RAG1: variants seen among roughly 807,000 people sequenced by gnomAD.
The protein encoded by RAG1 is V(D)J recombination-activating protein 1.
Under a neutral mutation model 62.7 loss-of-function variants are expected in RAG1, and 35 were observed. The ratio of observed to expected loss-of-function variants is 0.56; its 90% CI spans 0.43 to 0.74. The LOEUF (loss-of-function observed/expected upper bound fraction) is 0.74, where lower values mean the gene tolerates loss of function less well. Among genes scored for constraint, RAG1 ranks in the 30% least tolerant of loss-of-function variants. The pLI is 0.00. For synonymous variants in RAG1, 461 were observed against 470.3 expected (o/e 0.98, Z 0.26); for missense variants, 1,169 against 1,278.6 (o/e 0.91, Z 1.31).
At chr11:36,567,103 G>C (rs542389686), upstream of RAG1, among the ~76,000 whole-genome samples, 3 of 152,288 alleles carry the variant, frequency 2.0e-5, no homozygotes, top group East Asian at 5.8e-4. Context: ...CTACAAAGTG[G>C]CTTTCATTAT....
At chr11:36,547,760 C>T (rs994787966) in intron 3 of RAG1, among the ~76,000 whole-genome samples, 1 of 152,172 alleles carries the variant, frequency 6.6e-6, no homozygotes, top group Non-Finnish European at 1.5e-5. Context: ...AGGGAATCCC[C>T]CCTAACTCAT....
At chr11:36,549,902 TG>T (rs1291342214) in intron 3 of RAG1, among the ~76,000 whole-genome samples, 1 of 152,204 alleles carries the variant, frequency 6.6e-6, no homozygotes, top group Non-Finnish European at 1.5e-5. Context: ...AAAGAAAATG[TG>T]GCACATATAC....
intron 2 of RAG1, among the ~76,000 whole-genome samples, chr11:36,530,215 T>G (rs927392304): frequency 3.9e-5 from 6 of 152,058 alleles, no homozygotes; most frequent in Admixed American, 2.6e-4. Context: ...TGTTTTTCCT[T>G]TGTTCATCTT....
At chr11:36,565,439 G>A (rs1430763417), upstream of RAG1, among the ~76,000 whole-genome samples, 1 of 152,188 alleles carries the variant, frequency 6.6e-6, no homozygotes, top group Non-Finnish European at 1.5e-5. Context: ...TGGAGGAGCA[G>A]GGCCAGTGAA....
chr11:36,579,134 A>AT lies in RAG1; in HGVS notation c.*2705dup, dbSNP rs4151048. On this transcript the variant is annotated 3_prime_UTR_variant, in exon 2 of 2. Coordinates refer to ENST00000299440, the MANE Select transcript of RAG1 (RefSeq NM_000448.3). ...GAACTGGAATTTAGTTTTGCCTCAG[A>AT]TTTTTTTCCCACAAGATACAGAAGA... 0.074 allele frequency: 12,374 copies of AT among 167,070 alleles called. 507 individuals are homozygous for AT. Among genetic ancestry groups the AT allele is most frequent in the Middle Eastern group, 0.081 (24 of 296 alleles). The allele number at this position is 167,070 out of a possible 1,614,324, so 10.3% of individuals were successfully genotyped here.
Position 36,568,395 on chromosome 11 carries a change from T to A in RAG1, c.-15+273T>A, listed in dbSNP as rs538438218. ...GTTTAAGGAGTGCTTCTTGAATGAA[T>A]GTGTACAAATCAGCAGAAGGTAAGG... On this transcript the variant is annotated intron_variant, in intron 1 of 1. Coordinates refer to ENST00000299440, the MANE Select transcript of RAG1 (RefSeq NM_000448.3). Among the ~76,000 whole-genome samples the A allele has an allele frequency of 3.9e-5, 6 of 152,294 alleles. No individual in the cohort carries two copies. In the East Asian group the frequency reaches 1.2e-3, roughly 29 times the overall value.
At chr11:36,528,006 T>C (rs940785424) in intron 2 of RAG1, among the ~76,000 whole-genome samples, 9 of 151,844 alleles carry the variant, frequency 5.9e-5, no homozygotes, top group Admixed American at 2.0e-4. Context: ...TATACAATCA[T>C]GTCATCTACA....
chr11:36,558,477 C>A (rs1564983811), intron 3 of RAG1, among the ~76,000 whole-genome samples: 1 of 152,130 alleles, frequency 6.6e-6, no homozygotes, highest in East Asian at 1.9e-4. Flanking sequence ...AATTCACAAT[C>A]GTTGTATCCT....
At chr11:36,569,776 AT>A (rs1475986490) in intron 1 of RAG1, among the ~76,000 whole-genome samples, 2 of 152,194 alleles carry the variant, frequency 1.3e-5, no homozygotes, top group African/African-American at 4.8e-5. Context: ...TGCCAATTCT[AT>A]TTTTTTCAGA....
chr11:36,564,751 G>A (rs534713544), upstream of RAG1, among the ~76,000 whole-genome samples: 63 of 152,338 alleles, frequency 4.1e-4, 1 homozygote, highest in South Asian at 0.013. Flanking sequence ...AGAAATGAGC[G>A]TGTGGAGACG....
At chr11:36,562,325 T>C (rs1320847422) in intron 3 of RAG1, among the ~76,000 whole-genome samples, 1 of 152,120 alleles carries the variant, frequency 6.6e-6, no homozygotes, top group Non-Finnish European at 1.5e-5. Context: ...TGAGATAACA[T>C]TGTATTTAAC....
At chr11:36,568,211 C>T (rs1850687174) in intron 1 of RAG1, 89 bp downstream of exon 1, 2 of 151,730 alleles carry the variant, frequency 1.3e-5, no homozygotes, top group African/African-American at 2.4e-5. Flanking sequence ...TTTTTCCTTC[C>T]AGGTGATGAG....
chr11:36,569,818 T>A (rs1214056715), intron 1 of RAG1, among the ~76,000 whole-genome samples: 2 of 152,206 alleles, frequency 1.3e-5, no homozygotes, highest in African/African-American at 4.8e-5. Context: ...TTAGTGTGTA[T>A]CCTTTCAGAA....
rs1446640210 is a variant in RAG1, at chr11:36,574,216, G to A, written c.912G>A (p.Val304=). ...QICEHILADP[V]ETNCKHVFCR... ...GTGAACACATTCTGGCTGACCCTGT[G>A]GAGACCAACTGTAAGCATGTCTTTT... Residue 304 remains valine (V), a synonymous_variant, in exon 2 of 2, where the codon GTG becomes GTA. Coordinates refer to ENST00000299440, the MANE Select transcript of RAG1 (RefSeq NM_000448.3). The A allele has an allele frequency of 6.2e-7, 1 of 1,614,160 alleles. No homozygotes were observed. The highest frequency in any genetic ancestry group is 8.5e-7 in the Non-Finnish European group (1 of 1,180,040).
chr11:36,535,238 A>G (rs1378267967), intron 2 of RAG1, among the ~76,000 whole-genome samples: 1 of 152,200 alleles, frequency 6.6e-6, no homozygotes, highest in East Asian at 1.9e-4. Flanking sequence ...ATCAAGGTCT[A>G]TCATGTGATC....
rs780099770 is a variant in RAG1 at position 36,574,537 on chromosome 11, GA to G, written c.1234del (p.Arg412GlyfsTer19). 1.2e-6 allele frequency: 2 copies of G among 1,614,258 alleles called. No homozygotes were observed. ...LTRRAQKHRLRELKLQVKAFA... is the reference protein window; with the variant it reads ...LTRRAQKHRLXELKLQVKAFA... ...CTCGGAGAGCTCAGAAGCACCGGCTGAGGGAGCTCAAGCTGCAAGTCAAAGC... is the reference window on the plus strand; with the variant it reads ...CTCGGAGAGCTCAGAAGCACCGGCTGGGGAGCTCAAGCTGCAAGTCAAAGC... On this transcript the variant is annotated frameshift_variant, in exon 2 of 2. Coordinates refer to ENST00000299440, the MANE Select transcript of RAG1 (RefSeq NM_000448.3). LOFTEE classifies it high-confidence loss of function.
intron 3 of RAG1, among the ~76,000 whole-genome samples, chr11:36,551,886 T>C (rs1444717178): frequency 1.3e-4 from 18 of 142,842 alleles, no homozygotes; most frequent in Non-Finnish European, 2.4e-4. Flanking sequence ...GATAGTTTAC[T>C]GAGAATGATG....
chr11:36,548,650 A>G (rs1850434822), intron 3 of RAG1, among the ~76,000 whole-genome samples: 1 of 152,254 alleles, frequency 6.6e-6, no homozygotes, highest in Non-Finnish European at 1.5e-5. Flanking sequence ...AAAACATTCC[A>G]TGCTCATGGA....
intron 2 of RAG1, among the ~76,000 whole-genome samples, chr11:36,534,397 A>G (rs1275217358): frequency 6.6e-6 from 1 of 152,218 alleles, no homozygotes; most frequent in Non-Finnish European, 1.5e-5. Context: ...AATTATTTCT[A>G]GTTTTCCTTC....
Sources: allele counts gnomAD v4.1 joint callset (sites outside exome capture counted in the v4.1 genomes callset), GRCh38; gene constraint gnomAD v4.1.1; transcripts MANE v1.5; gene names NCBI Gene and HGNC (gene_info 2026-07-23, HGNC 2026-07-21).